SMIM28: variants seen among roughly 807,000 people sequenced by gnomAD.
SMIM28 encodes the protein small integral membrane protein 28.
chr6:138,378,049 C>A lies in SMIM28; in HGVS notation c.-24C>A, dbSNP rs1774274138. 1 of 398,800 alleles carries A rather than the reference C, an allele frequency of 2.5e-6. No homozygotes were observed. Among genetic ancestry groups the A allele is most frequent in the Admixed American group, 4.4e-5 (1 of 22,728 alleles). 24.7% of individuals were successfully genotyped at this position (398,800 alleles called of 1,614,324 possible). A position where few individuals can be genotyped will look rare whatever the true frequency, so the allele number is the denominator to read the frequency against. ...TCTGGGCAGCAAGGTGGAAGGGTGG[C>A]CAGGGCATCAGCTGGATGAAAACAT... On this transcript the variant is annotated 5_prime_UTR_variant, in exon 1 of 2. Coordinates refer to ENST00000573100, the MANE Select transcript of SMIM28 (RefSeq NM_001368163.3).
intron 1 of SMIM28, among the ~76,000 whole-genome samples, chr6:138,382,025 T>C (rs147904614): frequency 2.0e-5 from 3 of 152,336 alleles, no homozygotes; most frequent in African/African-American, 7.2e-5. Context: ...CTGGCATAAG[T>C]AAATGATAGT....
At chr6:138,382,007 T>C (rs1206325097) in intron 1 of SMIM28, among the ~76,000 whole-genome samples, 1 of 152,220 alleles carries the variant, frequency 6.6e-6, no homozygotes, top group East Asian at 1.9e-4. Context: ...CATATAGGCT[T>C]AAGCTCACTG....
Position 138,382,959 on chromosome 6 carries a change from A to G in SMIM28, c.*112A>G, listed in dbSNP as rs961830309. 13 of 397,096 alleles carry G rather than the reference A, an allele frequency of 3.3e-5. No homozygotes were observed. The highest frequency in any genetic ancestry group is 2.7e-4 in the African/African-American group (13 of 48,746). 24.6% of individuals were successfully genotyped at this position (397,096 alleles called of 1,614,324 possible). ...CATGAGAAGAGGGAGAAGGGCCCCT[A>G]GACCCAAGAAGCTGCTATTCATTGG... is the stretch of plus-strand genomic sequence containing the variant. On this transcript the variant is annotated 3_prime_UTR_variant, in exon 2 of 2. Coordinates refer to ENST00000573100, the MANE Select transcript of SMIM28 (RefSeq NM_001368163.3).
intron 1 of SMIM28, among the ~76,000 whole-genome samples, chr6:138,381,408 A>G (rs776297038): frequency 6.6e-5 from 10 of 152,312 alleles, no homozygotes; most frequent in African/African-American, 2.4e-4. Context: ...CTGTGCAATT[A>G]GGAACAGTAT....
intron 1 of SMIM28, among the ~76,000 whole-genome samples, chr6:138,381,322 G>T (rs903274085): frequency 1.3e-5 from 2 of 152,026 alleles, no homozygotes; most frequent in Admixed American, 1.3e-4. Flanking sequence ...ATTTACACTT[G>T]TTACTATATG....
chr6:138,378,656 C>T (rs777138316), intron 1 of SMIM28, among the ~76,000 whole-genome samples: 32 of 152,164 alleles, frequency 2.1e-4, no homozygotes, highest in Non-Finnish European at 3.7e-4. Context: ...TTGTCTCTCA[C>T]TAAGAAATGC....
chr6:138,382,402 A>G lies in SMIM28; in HGVS notation c.112-98A>G, dbSNP rs1490778594. The stretch of plus-strand genomic sequence containing the variant: ...ACGGAGCAAGACTGTGTCTCAAAAA[A>G]AAAAAAAAAAAAAAAGAAAGAAAGA... On this transcript the variant is annotated intron_variant, in intron 1 of 1. Coordinates refer to ENST00000573100, the MANE Select transcript of SMIM28 (RefSeq NM_001368163.3). 2,644 of 294,214 alleles carry G rather than the reference A, an allele frequency of 9.0e-3. 1 individual carries two copies. The highest frequency in any genetic ancestry group is 0.017 in the East Asian group (324 of 18,814). The allele number at this position is 294,214 out of a possible 1,614,324, so 18.2% of individuals were successfully genotyped here.
intron 1 of SMIM28, among the ~76,000 whole-genome samples, chr6:138,382,100 G>C (rs1374518642): frequency 1.3e-5 from 2 of 152,140 alleles, no homozygotes; most frequent in East Asian, 3.9e-4. Context: ...CAGGGCCTTA[G>C]AAATGTGAGG....
At position 138,383,104 on chromosome 6, in the gene SMIM28, A is replaced by C. The variant is rs1164694657; in HGVS notation, c.*257A>C. ...CCCAGGTTCTTCTAAAGATGACTGC[A>C]CTCTCCTAAAATGTATAACACTCCT... On this transcript the variant is annotated 3_prime_UTR_variant, in exon 2 of 2. Coordinates refer to ENST00000573100, the MANE Select transcript of SMIM28 (RefSeq NM_001368163.3). 4 of 309,150 alleles carry C rather than the reference A, an allele frequency of 1.3e-5. No homozygotes were observed. The highest frequency in any genetic ancestry group is 2.2e-5 in the African/African-American group (1 of 46,254). The allele number at this position is 309,150 out of a possible 1,614,324, so 19.2% of individuals were successfully genotyped here.
intron 1 of SMIM28, among the ~76,000 whole-genome samples, chr6:138,378,468 G>A (rs1201605724): frequency 2.0e-5 from 3 of 152,204 alleles, no homozygotes; most frequent in Non-Finnish European, 4.4e-5. Context: ...GTCAACAGAG[G>A]TGTTACAACA....
rs1276987371 is a variant in SMIM28, at chr6:138,383,003, G to A, written c.*156G>A. The A allele has an allele frequency of 1.5e-5, 6 of 394,678 alleles. No homozygotes were observed. The highest frequency in any genetic ancestry group is 2.7e-5 in the Non-Finnish European group (6 of 224,188). The allele number at this position is 394,678 out of a possible 1,614,324, so 24.4% of individuals were successfully genotyped here. ...TCATTGGCCAACCTCTGACAATGGGGCACTTCAGGCTGAGGGCAAAGCTTG... is the reference window on the plus strand; with the variant it reads ...TCATTGGCCAACCTCTGACAATGGGACACTTCAGGCTGAGGGCAAAGCTTG... On this transcript the variant is annotated 3_prime_UTR_variant, in exon 2 of 2. Transcript: ENST00000573100.
chr6:138,378,950 G>C (rs1338845567), intron 1 of SMIM28, among the ~76,000 whole-genome samples: 6 of 151,428 alleles, frequency 4.0e-5, no homozygotes. Context: ...TCCTTTAGCA[G>C]TTACACCTGT....
chr6:138,383,024 G>A lies in SMIM28; in HGVS notation c.*177G>A. The A allele has an allele frequency of 2.5e-6, 1 of 392,406 alleles. No individual in the cohort carries two copies. Among genetic ancestry groups the A allele is most frequent in the Non-Finnish European group, 4.5e-6 (1 of 222,714 alleles). 24.3% of individuals were successfully genotyped at this position (392,406 alleles called of 1,614,324 possible). A position where few individuals can be genotyped will look rare whatever the true frequency, so the allele number is the denominator to read the frequency against. ...TGGGGCACTTCAGGCTGAGGGCAAA[G>A]CTTGGCAAATGCCAATCTGGTTAAC... is the stretch of plus-strand genomic sequence containing the variant. On this transcript the variant is annotated 3_prime_UTR_variant, in exon 2 of 2. Coordinates refer to ENST00000573100, the MANE Select transcript of SMIM28 (RefSeq NM_001368163.3).
In SMIM28 at chr6:138,383,437, T is replaced by C. The variant is rs961625429; in HGVS notation, c.*590T>C. Among the ~76,000 whole-genome samples, 1 of 152,344 alleles carries C rather than the reference T, an allele frequency of 6.6e-6. No homozygotes were observed. On this transcript the variant is annotated 3_prime_UTR_variant, in exon 2 of 2. Coordinates refer to ENST00000573100, the MANE Select transcript of SMIM28 (RefSeq NM_001368163.3). ...TATTACAATATTAGCAATGAAAGTA[T>C]AGATATTCGCAAACATTTTAGTTAA...
chr6:138,379,570 T>C (rs905121696), intron 1 of SMIM28, among the ~76,000 whole-genome samples: 1 of 152,142 alleles, frequency 6.6e-6, no homozygotes, highest in Non-Finnish European at 1.5e-5. Flanking sequence ...TTATGAGAAA[T>C]GGTCCATGCT....
chr6:138,379,953 A>G lies in SMIM28; in HGVS notation c.111+1770A>G, dbSNP rs148362299. Among the ~76,000 whole-genome samples the G allele has an allele frequency of 9.1e-3, 1,384 of 152,262 alleles. 23 individuals carry two copies. Among genetic ancestry groups the G allele is most frequent in the African/African-American group, 0.031 (1,293 of 41,560 alleles). On this transcript the variant is annotated intron_variant, in intron 1 of 1. Transcript: ENST00000573100. ...TAAGAGACTTTTTCTGAAAATATGTATTTATTAAAATATAAATTTAGTTAT... is the reference window on the plus strand; with the variant it reads ...TAAGAGACTTTTTCTGAAAATATGTGTTTATTAAAATATAAATTTAGTTAT...
intron 1 of SMIM28, among the ~76,000 whole-genome samples, chr6:138,379,260 T>C (rs796640669): frequency 6.6e-5 from 10 of 152,346 alleles, no homozygotes; most frequent in African/African-American, 2.4e-4. Flanking sequence ...TATAAAAGTC[T>C]TCTAATGCCA....
At chr6:138,380,134 C>A (rs1199822931) in intron 1 of SMIM28, among the ~76,000 whole-genome samples, 2 of 152,232 alleles carry the variant, frequency 1.3e-5, no homozygotes, top group East Asian at 3.9e-4. Context: ...TCATTTACTT[C>A]TCATGCTAAC....
At chr6:138,379,463 C>T (rs1348016274) in intron 1 of SMIM28, among the ~76,000 whole-genome samples, 1 of 152,130 alleles carries the variant, frequency 6.6e-6, no homozygotes, top group Non-Finnish European at 1.5e-5. Context: ...TGCATACTGA[C>T]TTTCTATGAT....
Sources: allele counts gnomAD v4.1 joint callset (sites outside exome capture counted in the v4.1 genomes callset), GRCh38; gene constraint gnomAD v4.1.1; transcripts MANE v1.5; gene names NCBI Gene and HGNC (gene_info 2026-07-23, HGNC 2026-07-21).